Variants in KCNH1 observed in about 807,000 individuals in gnomAD.
KCNH1 encodes the protein potassium voltage-gated channel subfamily H member 1.
A neutral mutation model predicts 69.2 loss-of-function variants in KCNH1; 27 were observed. The ratio of observed to expected loss-of-function variants is 0.39; its 90% CI spans 0.29 to 0.54. The LOEUF (loss-of-function observed/expected upper bound fraction) is 0.54. Among genes scored for constraint, KCNH1 ranks in the 20% least tolerant of loss-of-function variants. The probability of loss-of-function intolerance (pLI) is 0.68; values close to 1 mark genes in which losing one functional copy is unlikely to be tolerated. For missense variants in KCNH1, 798 were observed against 1,261.6 expected (o/e 0.63, Z 5.57); for synonymous variants, 456 against 487.7 (o/e 0.93, Z 0.86).
At chr1:210,995,344 AAAT>A (rs1689009814) in intron 6 of KCNH1, among the ~76,000 whole-genome samples, 2 of 152,230 alleles carry the variant, frequency 1.3e-5, no homozygotes, top group African/African-American at 2.4e-5. Flanking sequence ...AGAATCACAG[AAAT>A]CTTGGCCCAG....
chr1:210,742,665 G>A (rs906068788), intron 10 of KCNH1, among the ~76,000 whole-genome samples: 2 of 152,112 alleles, frequency 1.3e-5, no homozygotes, highest in Non-Finnish European at 2.9e-5. Context: ...CCCTAGTGCC[G>A]CACCTTCCCA....
At chr1:210,888,835 C>A (rs1375355364) in intron 7 of KCNH1, among the ~76,000 whole-genome samples, 2 of 152,126 alleles carry the variant, frequency 1.3e-5, no homozygotes, top group African/African-American at 4.8e-5. Flanking sequence ...CACATATACC[C>A]CCCCAAGACT....
At chr1:211,031,100 G>A (rs1235848078) in intron 5 of KCNH1, among the ~76,000 whole-genome samples, 3 of 152,062 alleles carry the variant, frequency 2.0e-5, no homozygotes, top group Non-Finnish European at 4.4e-5. Flanking sequence ...ACCTTTCAGA[G>A]AATATTATAA....
chr1:211,025,743 C>T (rs1427059694), intron 5 of KCNH1, among the ~76,000 whole-genome samples: 2 of 152,132 alleles, frequency 1.3e-5, no homozygotes, highest in African/African-American at 4.8e-5. Context: ...GAATCCATGG[C>T]TCAGGGCATA....
chr1:210,945,830 A>T (rs935546975), intron 6 of KCNH1, among the ~76,000 whole-genome samples: 2 of 152,200 alleles, frequency 1.3e-5, no homozygotes, highest in Non-Finnish European at 2.9e-5. Flanking sequence ...TCAAATGTTA[A>T]CTTCTCCAAA....
In KCNH1 at chr1:210,966,339, C is replaced by G. The variant is rs534069785; in HGVS notation, c.1033-46270G>C. On this transcript the variant is annotated intron_variant, in intron 6 of 10. Coordinates refer to ENST00000271751, the MANE Select transcript of KCNH1 (RefSeq NM_172362.3). ...ATAGGCATGGGCAAAGACTTCATGA[C>G]TAAAACACCAAAAGCAATGGCAACA... 2.8e-3 allele frequency among the ~76,000 whole-genome samples: 430 copies of G among 152,242 alleles called. 4 individuals carry two copies. The highest frequency in any genetic ancestry group is 9.8e-3 in the African/African-American group (409 of 41,542).
At chr1:210,803,007 A>C (rs1574265555) in intron 8 of KCNH1, among the ~76,000 whole-genome samples, 1 of 152,192 alleles carries the variant, frequency 6.6e-6, no homozygotes, top group Admixed American at 6.5e-5. Flanking sequence ...AGGCTGGGAT[A>C]GTTTTTAAGG....
At chr1:211,070,342 C>T (rs1231308332) in intron 5 of KCNH1, among the ~76,000 whole-genome samples, 5 of 151,478 alleles carry the variant, frequency 3.3e-5, no homozygotes, top group African/African-American at 1.2e-4. Flanking sequence ...GGCGTGAGCC[C>T]GGGAGGTGGA....
Position 210,683,077 on chromosome 1 carries a change from T to C in KCNH1, c.*204A>G, listed in dbSNP as rs1681311295. On this transcript the variant is annotated 3_prime_UTR_variant, in exon 11 of 11. Coordinates refer to ENST00000271751, the MANE Select transcript of KCNH1 (RefSeq NM_172362.3). This position sits in a 1 kb window ranked among gnomAD's most constrained non-coding sequence, Gnocchi z 5.7. The stretch of plus-strand genomic sequence containing the variant: ...TGTGCAAAGACGGTTCAGATGCAGC[T>C]GCCACCTTGCAGGGTAGGGGCACGC... 1.6e-6 allele frequency: 1 copy of C among 629,614 alleles called. No individual in the cohort carries two copies. The highest frequency in any genetic ancestry group is 2.8e-6 in the Non-Finnish European group (1 of 354,612). The allele number at this position is 629,614 out of a possible 1,614,324, so 39.0% of individuals were successfully genotyped here. A position where few individuals can be genotyped will look rare whatever the true frequency, so the allele number is the denominator to read the frequency against.
chr1:211,042,010 C>G (rs926705500), intron 5 of KCNH1, among the ~76,000 whole-genome samples: 1 of 152,186 alleles, frequency 6.6e-6, no homozygotes, highest in African/African-American at 2.4e-5. Flanking sequence ...CCACCTCAGC[C>G]TCCCAAAGTG....
intron 7 of KCNH1, among the ~76,000 whole-genome samples, chr1:210,884,643 C>T (rs777019398): frequency 6.6e-6 from 1 of 152,162 alleles, no homozygotes; most frequent in Non-Finnish European, 1.5e-5. Context: ...AATTTGTCTG[C>T]CATCCTCCTT....
chr1:210,790,904 C>T (rs542503043), intron 9 of KCNH1, among the ~76,000 whole-genome samples: 18 of 152,298 alleles, frequency 1.2e-4, no homozygotes, highest in Admixed American at 2.0e-4. Context: ...AGCCCTGATA[C>T]GCTTCCCAAG....
At chr1:211,041,009 C>T (rs1174708335) in intron 5 of KCNH1, among the ~76,000 whole-genome samples, 1 of 152,186 alleles carries the variant, frequency 6.6e-6, no homozygotes, top group Non-Finnish European at 1.5e-5. Context: ...CCATCAACCT[C>T]TCTTTGAATA....
intron 5 of KCNH1, among the ~76,000 whole-genome samples, chr1:211,080,255 T>TTACA (rs1187222446): frequency 6.6e-6 from 1 of 152,064 alleles, no homozygotes; most frequent in African/African-American, 2.4e-5. Flanking sequence ...GGAATACAAC[T>TTACA]TACAAGGGAT....
At chr1:211,084,170 T>G (rs759286232) in intron 4 of KCNH1, among the ~76,000 whole-genome samples, 2 of 152,212 alleles carry the variant, frequency 1.3e-5, no homozygotes, top group Non-Finnish European at 2.9e-5. Flanking sequence ...GCATGGACTC[T>G]GTAGGGGTCT....
intron 7 of KCNH1, chr1:210,861,099 G>A (rs1365680049): frequency 2.3e-5 from 20 of 873,262 alleles, no homozygotes; most frequent in South Asian, 1.6e-4. Flanking sequence ...AAAAGCTTCT[G>A]GGCAGCAGTG....
At chr1:211,129,822 A>G (rs891021762) in intron 1 of KCNH1, among the ~76,000 whole-genome samples, 2 of 152,202 alleles carry the variant, frequency 1.3e-5, no homozygotes, top group African/African-American at 4.8e-5. Context: ...ATACAAAAAC[A>G]CAGCTGATTT....
At chr1:210,844,778 C>T (rs1194545359) in intron 7 of KCNH1, among the ~76,000 whole-genome samples, 13 of 152,070 alleles carry the variant, frequency 8.5e-5, no homozygotes, top group Non-Finnish European at 1.3e-4. Context: ...AAAAAATCAA[C>T]GAATCCAGAA....
intron 7 of KCNH1, among the ~76,000 whole-genome samples, chr1:210,911,876 T>A (rs1006614648): frequency 1.3e-5 from 2 of 152,050 alleles, no homozygotes; most frequent in South Asian, 4.1e-4. Flanking sequence ...CTTCCACCCC[T>A]CTCCTGCAAT....
Sources: allele counts gnomAD v4.1 joint callset (sites outside exome capture counted in the v4.1 genomes callset), GRCh38; gene constraint gnomAD v4.1.1; non-coding constraint Gnocchi (gnomAD v3.1); transcripts MANE v1.5; gene names NCBI Gene and HGNC (gene_info 2026-07-23, HGNC 2026-07-21).